Variants in SLC39A12 observed in about 807,000 individuals in gnomAD.
The protein encoded by SLC39A12 is solute carrier family 39 member 12, also known as zinc transporter ZIP12.
In SLC39A12, 63 loss-of-function variants were observed where a neutral mutation model predicts 71.1. That is an observed-to-expected ratio of 0.89 (90% CI 0.72 to 1.09). SLC39A12 has a LOEUF of 1.09. Among genes scored for constraint, SLC39A12 ranks in the 50% least tolerant of loss-of-function variants. The pLI is 0.00. For synonymous variants in SLC39A12, 351 were observed against 301.3 expected (o/e 1.16, Z -1.71); for missense variants, 892 against 812.6 (o/e 1.10, Z -1.19).
Position 17,965,505 on chromosome 10 carries a change from A to C in SLC39A12, c.566A>C (p.Gln189Pro). ...CAGTGTATGGAAACCAAAACGCTGC[A>C]GAAAAAATCTGGAATAGTGAGCAGT... ...QSQCMETKTL[Q>P]KKSGIVSSEG... is the part of the protein sequence containing the mutation. Residue 189 changes from glutamine to proline, a missense_variant, in exon 4 of 13, where the codon CAG becomes CCG. By Grantham distance (76) the Gln-to-Pro change is moderately conservative. Coordinates refer to ENST00000377369, the MANE Select transcript of SLC39A12 (RefSeq NM_001145195.2). The C allele has an allele frequency of 6.2e-7, 1 of 1,614,192 alleles. No homozygotes were observed. The highest frequency in any genetic ancestry group is 8.5e-7 in the Non-Finnish European group (1 of 1,180,026).
At chr10:17,976,397 T>C (rs916882595) in intron 4 of SLC39A12, among the ~76,000 whole-genome samples, 4 of 152,090 alleles carry the variant, frequency 2.6e-5, no homozygotes, top group African/African-American at 4.8e-5. Context: ...CTTTCAAGAT[T>C]TTATCTTCTG....
chr10:18,001,328 A>G (rs1171430510), intron 11 of SLC39A12, among the ~76,000 whole-genome samples: 1 of 152,168 alleles, frequency 6.6e-6, no homozygotes, highest in Non-Finnish European at 1.5e-5. Flanking sequence ...CAGCCTGACC[A>G]ACAGGGTAAA....
intron 4 of SLC39A12, among the ~76,000 whole-genome samples, chr10:17,970,674 TTGTG>T (rs61528284): frequency 0.33 from 47,206 of 145,178 alleles, 7,628 homozygotes; most frequent in Non-Finnish European, 0.35. Flanking sequence ...TTCTAATAGT[TTGTG>T]TGTGTGTGTG....
At chr10:17,991,854 C>T (rs1012131607) in intron 8 of SLC39A12, among the ~76,000 whole-genome samples, 3 of 151,834 alleles carry the variant, frequency 2.0e-5, no homozygotes, top group Admixed American at 6.6e-5. Flanking sequence ...TTTGGGAGGC[C>T]GAGGCAGGCG....
chr10:17,963,526 A>C (rs534650563), intron 3 of SLC39A12, among the ~76,000 whole-genome samples: 2 of 152,332 alleles, frequency 1.3e-5, no homozygotes, highest in South Asian at 4.1e-4. Flanking sequence ...TTAAGAGTTC[A>C]ACACCTGCTG....
At chr10:17,986,188 C>T (rs1835392299) in intron 6 of SLC39A12, among the ~76,000 whole-genome samples, 3 of 152,292 alleles carry the variant, frequency 2.0e-5, no homozygotes, top group East Asian at 3.9e-4. Flanking sequence ...TAGTGTCTGT[C>T]TGTGGATGTT....
chr10:17,993,334 C>T, intron 9 of SLC39A12, 43 bp downstream of exon 9: 1 of 1,278,058 alleles, frequency 7.8e-7, no homozygotes, highest in Non-Finnish European at 1.1e-6. Context: ...TGATTACCTT[C>T]TCTCCTTTAT....
intron 4 of SLC39A12, among the ~76,000 whole-genome samples, chr10:17,977,688 T>C (rs865877036): frequency 6.6e-6 from 1 of 152,222 alleles, no homozygotes; most frequent in Non-Finnish European, 1.5e-5. Context: ...ATTAGGCCAG[T>C]TTCATCTTTA....
intron 4 of SLC39A12, among the ~76,000 whole-genome samples, chr10:17,965,958 C>G (rs996083680): frequency 3.3e-5 from 5 of 152,204 alleles, no homozygotes; most frequent in Non-Finnish European, 7.3e-5. Context: ...ATTTTATGAT[C>G]TGCCATAAAT....
intron 12 of SLC39A12, among the ~76,000 whole-genome samples, chr10:18,011,152 C>T (rs1836208958): frequency 1.3e-5 from 2 of 151,940 alleles, no homozygotes; most frequent in South Asian, 2.1e-4. Flanking sequence ...TGCAGTGGCG[C>T]GATCTCAACT....
At chr10:17,997,426 TC>T (rs1315487483) in intron 10 of SLC39A12, among the ~76,000 whole-genome samples, 1 of 152,218 alleles carries the variant, frequency 6.6e-6, no homozygotes, top group African/African-American at 2.4e-5. Flanking sequence ...GTAATATTTT[TC>T]CTTCTAAACT....
At chr10:18,039,583 C>T (rs1837161641) in intron 12 of SLC39A12, among the ~76,000 whole-genome samples, 1 of 145,652 alleles carries the variant, frequency 6.9e-6, no homozygotes, top group South Asian at 2.3e-4. Context: ...TTAAAATTAG[C>T]TGGGTAGGGT....
At position 18,003,371 on chromosome 10, in the gene SLC39A12, G is replaced by C. The variant is rs1223282247; in HGVS notation, c.1947+13G>C. 10 of 1,589,008 alleles carry C rather than the reference G, an allele frequency of 6.3e-6. No individual in the cohort carries two copies. The highest frequency in any genetic ancestry group is 1.2e-5 in the South Asian group (1 of 85,878). On this transcript the variant is annotated intron_variant, in intron 12 of 12. Transcript: ENST00000377369. ...CTTGGTTGAAATGGTAAGCTTGGTGGCTTTTCTATTTGATTTTTCTAAGCA... is the reference window on the plus strand; with the variant it reads ...CTTGGTTGAAATGGTAAGCTTGGTGCCTTTTCTATTTGATTTTTCTAAGCA...
chr10:18,036,806 A>T (rs1358493006), intron 12 of SLC39A12, among the ~76,000 whole-genome samples: 84 of 51,506 alleles, frequency 1.6e-3, no homozygotes, highest in African/African-American at 3.3e-3. Flanking sequence ...TTTTTTTTTT[A>T]ATGGAATCTC....
intron 10 of SLC39A12, 29 bp downstream of exon 10, chr10:17,995,751 G>T: frequency 1.3e-6 from 2 of 1,577,782 alleles, no homozygotes; most frequent in South Asian, 1.2e-5. Context: ...TTTACATGTG[G>T]AAAGTGCCAT....
chr10:18,036,773 T>TAC (rs1837046559), intron 12 of SLC39A12, among the ~76,000 whole-genome samples: 2 of 24,148 alleles, frequency 8.3e-5, no homozygotes, highest in Non-Finnish European at 1.5e-4. Context: ...TATATATATA[T>TAC]ATATATATAT....
intron 2 of SLC39A12, among the ~76,000 whole-genome samples, chr10:17,958,979 C>G (rs1014127140): frequency 1.3e-5 from 2 of 152,066 alleles, no homozygotes; most frequent in Admixed American, 1.3e-4. Context: ...AGATTATGCA[C>G]CAAGGAATAA....
chr10:18,019,767 G>A (rs978744672), intron 12 of SLC39A12, among the ~76,000 whole-genome samples: 1 of 152,032 alleles, frequency 6.6e-6, no homozygotes, highest in Non-Finnish European at 1.5e-5. Context: ...TCTAAGAATA[G>A]AAGTTGTATG....
intron 12 of SLC39A12, among the ~76,000 whole-genome samples, chr10:18,010,977 T>C (rs997145745): frequency 6.6e-6 from 1 of 152,206 alleles, no homozygotes; most frequent in Non-Finnish European, 1.5e-5. Context: ...TTCTCCTCTT[T>C]ATGATTTTAT....
Sources: allele counts gnomAD v4.1 joint callset (sites outside exome capture counted in the v4.1 genomes callset), GRCh38; gene constraint gnomAD v4.1.1; transcripts MANE v1.5; gene names NCBI Gene and HGNC (gene_info 2026-07-23, HGNC 2026-07-21).